Variants in TERF1 observed in about 807,000 individuals in gnomAD.
TERF1 encodes telomeric repeat binding factor 1.
In TERF1, 20 loss-of-function variants were observed where a neutral mutation model predicts 55.1. That is an observed-to-expected ratio of 0.36 (90% CI 0.26 to 0.53). The LOEUF (loss-of-function observed/expected upper bound fraction) is 0.53. Among genes scored for constraint, TERF1 ranks in the 20% least tolerant of loss-of-function variants. TERF1 has a pLI of 0.91. For synonymous variants in TERF1, 168 were observed against 181.2 expected, an observed-to-expected ratio of 0.93 and a Z score of 0.59; for missense variants, 439 against 535.7, an observed-to-expected ratio of 0.82 and a Z score of 1.78.
chr8:73,025,545 G>A (rs1265427574), intron 5 of TERF1, among the ~76,000 whole-genome samples: 3 of 151,816 alleles, frequency 2.0e-5, no homozygotes, highest in Non-Finnish European at 4.4e-5. Flanking sequence ...ACGGTCAGGC[G>A]GATCACACGG....
In TERF1 at chr8:73,037,708, AT is replaced by A. The variant is rs1563471899; in HGVS notation, c.1040-1406del. Among the ~76,000 whole-genome samples, 218 of 86,072 alleles carry A rather than the reference AT, an allele frequency of 2.5e-3. 8 individuals are homozygous for A. Among genetic ancestry groups the A allele is most frequent in the Non-Finnish European group, 3.9e-3 (189 of 48,810 alleles). The allele number at this position is 86,072 out of a possible 152,430, so 56.5% of individuals were successfully genotyped here. A position where few individuals can be genotyped will look rare whatever the true frequency, so the allele number is the denominator to read the frequency against. ...TATATATTATATAGTATAATATTAT[AT>A]TATATATAATATATATTATATAGTA... is the stretch of plus-strand genomic sequence containing the variant. On this transcript the variant is annotated intron_variant, in intron 8 of 9. Coordinates refer to ENST00000276603, the MANE Select transcript of TERF1 (RefSeq NM_017489.3).
intron 6 of TERF1, among the ~76,000 whole-genome samples, chr8:73,029,161 C>T (rs1053016999): frequency 3.3e-5 from 5 of 152,098 alleles, no homozygotes; most frequent in African/African-American, 1.2e-4. Flanking sequence ...ATTGTGAGGT[C>T]AGACAAATCC....
At position 73,048,027 on chromosome 8, in the gene TERF1, T is replaced by A. The variant is rs1355554531; in HGVS notation, c.*1890T>A. 1.3e-5 allele frequency: 2 copies of A among 152,244 alleles called. No homozygotes were observed. The highest frequency in any genetic ancestry group is 3.8e-4 in the East Asian group (2 of 5,204). 9.4% of individuals were successfully genotyped at this position (152,244 alleles called of 1,614,324 possible). A position where few individuals can be genotyped will look rare whatever the true frequency, so the allele number is the denominator to read the frequency against. On this transcript the variant is annotated 3_prime_UTR_variant, in exon 10 of 10. Transcript: ENST00000276603. ...TACTTATTAGAAGAGCTATTTTAGA[T>A]GTATTTAAACATAAGATTTTTATCA...
chr8:73,033,110 T>C (rs1809363473), intron 8 of TERF1, among the ~76,000 whole-genome samples: 1 of 151,006 alleles, frequency 6.6e-6, no homozygotes, highest in Non-Finnish European at 1.5e-5. Flanking sequence ...TTCTCCATGC[T>C]CATAAGGTAC....
chr8:73,012,804 A>G, intron 1 of TERF1: 1 of 416,972 alleles, frequency 2.4e-6, no homozygotes, highest in South Asian at 1.7e-5. Flanking sequence ...GGTACTCATT[A>G]AAATTTTAAT....
chr8:73,032,006 C>A, intron 7 of TERF1, 36 bp from the exon 8 acceptor site: 2 of 1,448,938 alleles, frequency 1.4e-6, no homozygotes, highest in Non-Finnish European at 9.6e-7. Context: ...TACTATCTTT[C>A]TGGAGCCAAT....
intron 2 of TERF1, among the ~76,000 whole-genome samples, chr8:73,015,523 G>A (rs149880653): frequency 1.7e-4 from 26 of 151,862 alleles, no homozygotes; most frequent in African/African-American, 5.6e-4. Context: ...GCAACATAGC[G>A]AGACCCTGTC....
chr8:73,032,208 C>G, intron 8 of TERF1, 75 bp downstream of exon 8: 2 of 1,051,286 alleles, frequency 1.9e-6, no homozygotes, highest in South Asian at 3.2e-5. Flanking sequence ...GACTTTACCA[C>G]TATAGCAAAA....
intron 5 of TERF1, among the ~76,000 whole-genome samples, chr8:73,025,820 TG>T (rs1373686419): frequency 2.0e-5 from 3 of 147,114 alleles, no homozygotes; most frequent in Non-Finnish European, 4.5e-5. Flanking sequence ...CCAGCTACTT[TG>T]GGGAGTTGAG....
chr8:73,033,601 G>A (rs145179322), intron 8 of TERF1, among the ~76,000 whole-genome samples: 151 of 152,240 alleles, frequency 9.9e-4, no homozygotes, highest in African/African-American at 3.4e-3. Context: ...AGGCATGGTG[G>A]TGCCTGCCTG....
At chr8:73,017,236 C>G (rs189548394) in intron 2 of TERF1, among the ~76,000 whole-genome samples, 1 of 152,076 alleles carries the variant, frequency 6.6e-6, no homozygotes, top group Non-Finnish European at 1.5e-5. Context: ...TTGAAATTAG[C>G]TCTTGAAAGA....
chr8:73,037,736 G>GTATA (rs1809626513), intron 8 of TERF1, among the ~76,000 whole-genome samples: 4 of 82,096 alleles, frequency 4.9e-5, no homozygotes, highest in African/African-American at 1.6e-4. Context: ...TATATAGTAT[G>GTATA]AAATATATAT....
intron 3 of TERF1, among the ~76,000 whole-genome samples, chr8:73,021,784 T>TA (rs1808768019): frequency 1.3e-5 from 2 of 152,200 alleles, no homozygotes; most frequent in Non-Finnish European, 2.9e-5. Flanking sequence ...TCTAGCTTCT[T>TA]AGGTGTGTAT....
chr8:73,036,600 C>T (rs550938417), intron 8 of TERF1, among the ~76,000 whole-genome samples: 7 of 151,776 alleles, frequency 4.6e-5, no homozygotes, highest in African/African-American at 7.2e-5. Context: ...CCCATCCCCC[C>T]GCCCCCACAG....
chr8:73,038,192 G>C (rs1468149072), intron 8 of TERF1, among the ~76,000 whole-genome samples: 1 of 151,872 alleles, frequency 6.6e-6, no homozygotes, highest in East Asian at 1.9e-4. Flanking sequence ...GCTCATACCT[G>C]TAATTCCAGC....
chr8:73,018,042 T>G (rs1197128081), intron 2 of TERF1, among the ~76,000 whole-genome samples: 1 of 152,146 alleles, frequency 6.6e-6, no homozygotes, highest in Non-Finnish European at 1.5e-5. Context: ...TCTTCAGATG[T>G]TTCTGAGGTA....
intron 4 of TERF1, among the ~76,000 whole-genome samples, chr8:73,023,955 G>C (rs1053118247): frequency 6.6e-6 from 1 of 152,092 alleles, no homozygotes; most frequent in Non-Finnish European, 1.5e-5. Context: ...TAGAATAGCT[G>C]GTTTCACTTT....
chr8:73,019,851 G>A (rs1808675547), intron 2 of TERF1, among the ~76,000 whole-genome samples: 1 of 152,176 alleles, frequency 6.6e-6, no homozygotes, highest in South Asian at 2.1e-4. Context: ...TCTTTAACCT[G>A]TCTGAAAGAG....
chr8:73,015,405 A>G (rs954058381), intron 2 of TERF1, among the ~76,000 whole-genome samples: 6 of 150,042 alleles, frequency 4.0e-5, no homozygotes, highest in South Asian at 2.1e-4. Flanking sequence ...TCTAATAGCT[A>G]TGTTAAGAAA....
Sources: allele counts gnomAD v4.1 joint callset (sites outside exome capture counted in the v4.1 genomes callset), GRCh38; gene constraint gnomAD v4.1.1; transcripts MANE v1.5; gene names NCBI Gene and HGNC (gene_info 2026-07-23, HGNC 2026-07-21).